The following PATL2 variants were observed in gnomAD, a reference collection of about 807,000 sequenced individuals.
PATL2 encodes PAT1 homolog 2, also known as protein PAT1 homolog 2.
Under a neutral mutation model 77.0 loss-of-function variants are expected in PATL2, and 73 were observed. That is an observed-to-expected ratio of 0.95 (90% confidence interval 0.78 to 1.15). PATL2 has a LOEUF of 1.15. PATL2 is among the 50% of genes most tolerant of loss of function. PATL2 has a pLI of 0.00. For synonymous variants in PATL2, 265 were observed against 257.1 expected, an observed-to-expected ratio of 1.03 and a Z score of -0.29; for missense variants, 618 against 655.4, an observed-to-expected ratio of 0.94 and a Z score of 0.62.
At chr15:44,701,368 G>A (rs1218508766) in intron 3 of PATL2, among the ~76,000 whole-genome samples, 1 of 151,766 alleles carries the variant, frequency 6.6e-6, no homozygotes, top group East Asian at 1.9e-4. Flanking sequence ...TTTGAGTAGG[G>A]TTGGTGTTTT....
intron 5 of PATL2, 44 bp from the exon 6 acceptor site, chr15:44,674,274 T>C: frequency 1.4e-6 from 2 of 1,393,290 alleles, no homozygotes; most frequent in South Asian, 1.3e-5. Context: ...TGGGCCCCTG[T>C]AGTGTCTTCT....
chr15:44,679,621 G>C (rs1217114577), intron 3 of PATL2, among the ~76,000 whole-genome samples: 1 of 143,544 alleles, frequency 7.0e-6, no homozygotes, highest in Non-Finnish European at 1.5e-5. Flanking sequence ...TCAAACTCCT[G>C]GCTTCAAGTG....
At chr15:44,696,044 T>C (rs2086496139) in intron 3 of PATL2, among the ~76,000 whole-genome samples, 4 of 152,178 alleles carry the variant, frequency 2.6e-5, no homozygotes, top group South Asian at 2.1e-4. Context: ...CTGAGAAGCA[T>C]TTGTCAAAAG....
chr15:44,708,929 T>C (rs184711696), intron 3 of PATL2, among the ~76,000 whole-genome samples: 1 of 152,292 alleles, frequency 6.6e-6, no homozygotes, highest in African/African-American at 2.4e-5. Context: ...GATGAAGTCT[T>C]GCTCTGTTGC....
chr15:44,675,437 CCA>C (rs1289612450), intron 5 of PATL2, 47 bp downstream of exon 5: 5 of 1,507,176 alleles, frequency 3.3e-6, no homozygotes, highest in African/African-American at 1.4e-5. Flanking sequence ...AGCCTGTGAG[CCA>C]CAGACAGTTC....
chr15:44,707,769 A>C (rs911043575), intron 3 of PATL2, among the ~76,000 whole-genome samples: 2 of 152,108 alleles, frequency 1.3e-5, no homozygotes, highest in Non-Finnish European at 2.9e-5. Flanking sequence ...CCCCACATTC[A>C]CTGGCTCTGA....
chr15:44,672,572 G>T, intron 7 of PATL2, 116 bp from the exon 8 acceptor site: 1 of 1,046,326 alleles, frequency 9.6e-7, no homozygotes, highest in Non-Finnish European at 1.4e-6. Flanking sequence ...ATCTGTTTAG[G>T]TACTTTCCCA....
intron 3 of PATL2, among the ~76,000 whole-genome samples, chr15:44,694,327 A>G (rs1173346352): frequency 1.3e-5 from 2 of 152,236 alleles, no homozygotes; most frequent in African/African-American, 2.4e-5. Flanking sequence ...CTAATTTGAC[A>G]TATGATAAAT....
chr15:44,710,391 C>T (rs1365115395), intron 2 of PATL2, among the ~76,000 whole-genome samples, 177 bp from the exon 3 acceptor site: 2 of 152,172 alleles, frequency 1.3e-5, no homozygotes, highest in African/African-American at 2.4e-5. Flanking sequence ...TCCACCACCA[C>T]GAAATGGCGG....
intron 15 of PATL2, among the ~76,000 whole-genome samples, chr15:44,667,705 G>A (rs971676041): frequency 6.6e-6 from 1 of 152,204 alleles, no homozygotes; most frequent in African/African-American, 2.4e-5. Flanking sequence ...CACTTTGGGA[G>A]GCCGAGGCAG....
At chr15:44,688,526 A>G (rs770003267) in intron 3 of PATL2, among the ~76,000 whole-genome samples, 3 of 152,152 alleles carry the variant, frequency 2.0e-5, no homozygotes, top group Admixed American at 2.0e-4. Flanking sequence ...CGACCAATGG[A>G]ACTGAACAGA....
intron 2 of PATL2, among the ~76,000 whole-genome samples, 49 bp from the exon 3 acceptor site, chr15:44,710,263 G>T (rs2141281252): frequency 6.6e-6 from 1 of 152,276 alleles, no homozygotes; most frequent in South Asian, 2.1e-4. Context: ...TGCTCCTTGG[G>T]GAAGCTAGGC....
chr15:44,667,126 G>T lies in PATL2; in HGVS notation c.1443C>A (p.Pro481=), dbSNP rs1306748862. 7 of 1,551,440 alleles carry T rather than the reference G, an allele frequency of 4.5e-6. No individual in the cohort carries two copies. Among genetic ancestry groups the T allele is most frequent in the Non-Finnish European group, 5.2e-6 (6 of 1,146,834 alleles). The change falls in exon 16 of 18, where the codon CCC becomes CCA. Residue 481 remains proline, a synonymous_variant. Transcript: ENST00000682850. ...LVSLHSSLEE[P]NSDHTAWTDM... The stretch of plus-strand genomic sequence containing the variant: ...CTTACCAAGCTGTATGGTCACTGTT[G>T]GGTTCCTCTAGGGAAGAATGCAGCG...
chr15:44,687,259 A>G (rs1036937264), intron 3 of PATL2, among the ~76,000 whole-genome samples: 16 of 152,206 alleles, frequency 1.1e-4, no homozygotes, highest in African/African-American at 3.9e-4. Flanking sequence ...AACATACACA[A>G]ATCGATTAAC....
intron 3 of PATL2, among the ~76,000 whole-genome samples, chr15:44,705,820 T>TTTTTTTTTTTTTTTTG (rs1266645138): frequency 2.0e-5 from 3 of 151,304 alleles, no homozygotes; most frequent in Admixed American, 6.6e-5. Context: ...TGTTTTTTTT[T>TTTTTTTTTTTTTTTTG]AGACAGAGTC....
rs1046220055 is a variant in PATL2, at chr15:44,675,815, A to G, written c.17-124T>C. The stretch of plus-strand genomic sequence containing the variant: ...CATCTCCAGCACCACCTTTGAACAT[A>G]ACGCCTCCTGTTCTGTGGGTTTAAC... On this transcript the variant is annotated intron_variant, in intron 4 of 17. Coordinates refer to ENST00000682850, the MANE Select transcript of PATL2 (RefSeq NM_001387263.1). The G allele has an allele frequency of 1.4e-5, 11 of 807,978 alleles. No homozygotes were observed. The Admixed American group carries it at 2.6e-4, about 19-fold the overall frequency. 50.1% of individuals were successfully genotyped at this position (807,978 alleles called of 1,614,324 possible).
intron 16 of PATL2, 176 bp from the exon 17 acceptor site, chr15:44,666,717 A>G (rs1320219593): frequency 6.5e-6 from 4 of 610,926 alleles, no homozygotes; most frequent in South Asian, 2.4e-5. Context: ...TGCTTTACAC[A>G]TTTCCCTTCC....
At chr15:44,666,066 T>C (rs904014680) in intron 17 of PATL2, 95 bp from the exon 18 acceptor site, 17 of 1,183,242 alleles carry the variant, frequency 1.4e-5, no homozygotes, top group Middle Eastern at 3.9e-4. Flanking sequence ...GCAGTAATTC[T>C]GAGGACAGAG....
intron 3 of PATL2, among the ~76,000 whole-genome samples, chr15:44,709,878 A>G (rs987782819): frequency 6.6e-6 from 1 of 152,126 alleles, no homozygotes; most frequent in Non-Finnish European, 1.5e-5. Flanking sequence ...TAAACTTCTA[A>G]GGCACTTTTC....
Sources: gnomAD v4.1 joint callset for allele counts (sites outside exome capture counted in the v4.1 genomes callset) on GRCh38, gnomAD v4.1.1 for gene constraint, MANE v1.5 for transcripts, NCBI Gene and HGNC (gene_info 2026-07-23, HGNC 2026-07-21) for gene names.